Variants in MPPED2 observed in about 807,000 individuals in gnomAD.
The protein encoded by MPPED2 is metallophosphoesterase domain containing 2.
A neutral mutation model predicts 33.0 loss-of-function variants in MPPED2; 5 were observed. The observed-to-expected ratio is 0.15, with a 90% CI of 0.08 to 0.32. The LOEUF (loss-of-function observed/expected upper bound fraction) is 0.32, where lower values mean the gene tolerates loss of function less well. Among genes scored for constraint, MPPED2 ranks in the 10% least tolerant of loss-of-function variants. The pLI is 1.00. For missense variants in MPPED2, 275 were observed against 372.1 expected, an observed-to-expected ratio of 0.74 and a Z score of 2.15; for synonymous variants, 136 against 141.9, an observed-to-expected ratio of 0.96 and a Z score of 0.29.
chr11:30,514,331 C>T (rs894880916), intron 3 of MPPED2, among the ~76,000 whole-genome samples: 3 of 152,248 alleles, frequency 2.0e-5, no homozygotes, highest in African/African-American at 4.8e-5. Flanking sequence ...AAGGAATGAC[C>T]TTGTTTTTCC....
At chr11:30,474,515 A>T (rs1049810504) in intron 4 of MPPED2, among the ~76,000 whole-genome samples, 1 of 152,130 alleles carries the variant, frequency 6.6e-6, no homozygotes, top group Non-Finnish European at 1.5e-5. Flanking sequence ...CTGGCTTGGG[A>T]AGGAGCACAT....
chr11:30,454,596 C>G (rs995961283), intron 4 of MPPED2, among the ~76,000 whole-genome samples: 1 of 151,802 alleles, frequency 6.6e-6, no homozygotes, highest in Non-Finnish European at 1.5e-5. Flanking sequence ...AATTTGATCC[C>G]TGAAACATAA....
chr11:30,504,704 C>A (rs1952738101), intron 3 of MPPED2: 1 of 1,120,802 alleles, frequency 8.9e-7, no homozygotes, highest in South Asian at 1.3e-5. Flanking sequence ...TTAATTTTCA[C>A]AAGTCCTGAC....
At chr11:30,432,126 G>A (rs981999735) in intron 4 of MPPED2, among the ~76,000 whole-genome samples, 4 of 150,824 alleles carry the variant, frequency 2.7e-5, no homozygotes, top group East Asian at 1.9e-4. Context: ...CCGAGATCGC[G>A]CCACTGCCCT....
chr11:30,433,215 G>C (rs181809533), intron 4 of MPPED2, among the ~76,000 whole-genome samples: 147 of 152,304 alleles, frequency 9.7e-4, no homozygotes, highest in African/African-American at 3.4e-3. Context: ...AAATGTTCCT[G>C]CATTTTCCCT....
chr11:30,402,830 C>T (rs1947927362), intron 6 of MPPED2, among the ~76,000 whole-genome samples: 1 of 152,226 alleles, frequency 6.6e-6, no homozygotes, highest in Non-Finnish European at 1.5e-5. Context: ...ACAATGCCAA[C>T]TTACCACAGT....
At chr11:30,448,777 T>G (rs1949923372) in intron 4 of MPPED2, among the ~76,000 whole-genome samples, 1 of 151,798 alleles carries the variant, frequency 6.6e-6, no homozygotes, top group Non-Finnish European at 1.5e-5. Context: ...CGGGTTCAAG[T>G]GATTCTCCTG....
At chr11:30,472,913 T>TA (rs1349369924) in intron 4 of MPPED2, among the ~76,000 whole-genome samples, 1 of 152,232 alleles carries the variant, frequency 6.6e-6, no homozygotes, top group Admixed American at 6.5e-5. Flanking sequence ...TTTACCACTA[T>TA]AAAAAATGTT....
chr11:30,549,282 T>C (rs1955588106), intron 2 of MPPED2, among the ~76,000 whole-genome samples: 1 of 152,200 alleles, frequency 6.6e-6, no homozygotes, highest in African/African-American at 2.4e-5. Flanking sequence ...CTTGTTATGG[T>C]TCACATCAAA....
At chr11:30,561,402 A>G (rs538907136) in intron 2 of MPPED2, among the ~76,000 whole-genome samples, 3 of 152,210 alleles carry the variant, frequency 2.0e-5, no homozygotes, top group African/African-American at 7.2e-5. Flanking sequence ...AACAGTCTCA[A>G]CTAAATGTGA....
intron 4 of MPPED2, among the ~76,000 whole-genome samples, chr11:30,489,406 C>T (rs1000695072): frequency 1.3e-5 from 2 of 152,222 alleles, no homozygotes; most frequent in African/African-American, 2.4e-5. Flanking sequence ...GTGAAATCAA[C>T]TCCCACTTTG....
intron 2 of MPPED2, among the ~76,000 whole-genome samples, chr11:30,576,810 G>A (rs1291099024): frequency 6.6e-6 from 1 of 151,318 alleles, no homozygotes; most frequent in Non-Finnish European, 1.5e-5. Flanking sequence ...CAAATTCTAG[G>A]TTAAATTTTG....
intron 2 of MPPED2, among the ~76,000 whole-genome samples, chr11:30,556,636 C>A (rs1955975760): frequency 1.3e-5 from 2 of 152,268 alleles, no homozygotes; most frequent in Admixed American, 6.5e-5. Context: ...ACCCAGGTCA[C>A]CCTTGGCAGC....
chr11:30,548,226 T>TC (rs1186545528), intron 2 of MPPED2, among the ~76,000 whole-genome samples: 1 of 151,690 alleles, frequency 6.6e-6, no homozygotes, highest in East Asian at 1.9e-4. Flanking sequence ...ATCTTTTTTT[T>TC]TTCTTAACTG....
chr11:30,484,636 C>T (rs538199472), intron 4 of MPPED2, among the ~76,000 whole-genome samples: 1 of 152,280 alleles, frequency 6.6e-6, no homozygotes, highest in African/African-American at 2.4e-5. Context: ...CAACATTACT[C>T]ATACACTGAA....
intron 4 of MPPED2, among the ~76,000 whole-genome samples, chr11:30,462,715 TC>T (rs1008437401): frequency 2.6e-5 from 4 of 152,030 alleles, no homozygotes; most frequent in Non-Finnish European, 5.9e-5. Flanking sequence ...CCCTCTAACT[TC>T]CATATAATCG....
intron 4 of MPPED2, among the ~76,000 whole-genome samples, chr11:30,431,131 G>C (rs1213350820): frequency 1.3e-5 from 2 of 152,218 alleles, no homozygotes; most frequent in African/African-American, 2.4e-5. Context: ...TTTTGTCATG[G>C]ATGATGTGGG....
At chr11:30,395,521 G>A (rs144124473) in intron 6 of MPPED2, among the ~76,000 whole-genome samples, 1 of 152,114 alleles carries the variant, frequency 6.6e-6, no homozygotes. Flanking sequence ...TGGATGCTCT[G>A]CATGGATTCA....
At chr11:30,397,736 G>A (rs947987975) in intron 6 of MPPED2, among the ~76,000 whole-genome samples, 2 of 152,118 alleles carry the variant, frequency 1.3e-5, no homozygotes, top group Admixed American at 1.3e-4. Context: ...GGCTCCAAGA[G>A]ATTAAGTAAT....
Sources: allele counts gnomAD v4.1 joint callset (sites outside exome capture counted in the v4.1 genomes callset), GRCh38; gene constraint gnomAD v4.1.1; transcripts MANE v1.5; gene names NCBI Gene and HGNC (gene_info 2026-07-23, HGNC 2026-07-21).